AADAT: variants seen among roughly 807,000 people sequenced by gnomAD.
The protein encoded by AADAT is kynurenine/alpha-aminoadipate aminotransferase, mitochondrial.
In AADAT, 25 loss-of-function variants were observed where a neutral mutation model predicts 56.2. The observed-to-expected ratio is 0.44, with a 90% confidence interval of 0.32 to 0.62. AADAT has a LOEUF of 0.62. Ranked by LOEUF, AADAT falls within the 20% of genes least tolerant of loss-of-function variation. The pLI, the probability that AADAT is intolerant of heterozygous loss-of-function variation, is 0.04. For missense variants in AADAT, 387 were observed against 510.5 expected (o/e 0.76, Z 2.33); for synonymous variants, 173 against 164.7 (o/e 1.05, Z -0.39).
At chr4:170,070,050 T>G (rs775532494) in intron 6 of AADAT, among the ~76,000 whole-genome samples, 41 of 152,114 alleles carry the variant, frequency 2.7e-4, no homozygotes, top group Non-Finnish European at 5.6e-4. Flanking sequence ...AGGACATAAA[T>G]GACAGGGTGG....
At chr4:170,084,864 T>C (rs1732479191) in intron 3 of AADAT, among the ~76,000 whole-genome samples, 1 of 152,198 alleles carries the variant, frequency 6.6e-6, no homozygotes, top group African/African-American at 2.4e-5. Flanking sequence ...ACAGATCAAA[T>C]GAAAACCTAA....
intron 1 of AADAT, 90 bp downstream of exon 1, chr4:170,089,534 A>C: frequency 6.8e-7 from 1 of 1,469,210 alleles, no homozygotes. Context: ...GCATGGATGC[A>C]ACCAAGCGGT....
chr4:170,069,997 T>C (rs957316582), intron 6 of AADAT, among the ~76,000 whole-genome samples: 1 of 152,048 alleles, frequency 6.6e-6, no homozygotes, highest in Non-Finnish European at 1.5e-5. Flanking sequence ...TACATGATAG[T>C]GTGAGAATCA....
Position 170,069,139 on chromosome 4 carries a change from G to C in AADAT, c.803+9C>G. ...GATCTAGCGTCAAGTTAGAGACACA[G>C]GGCCTTACCCAGAGGAAATGATTTT... On this transcript the variant is annotated intron_variant, in intron 7 of 12. Coordinates refer to ENST00000337664, the MANE Select transcript of AADAT (RefSeq NM_016228.4). 1.9e-6 allele frequency: 3 copies of C among 1,611,488 alleles called. No individual in the cohort carries two copies. The highest frequency in any genetic ancestry group is 2.5e-6 in the Non-Finnish European group (3 of 1,178,468).
chr4:170,084,331 A>T (rs186095677), intron 3 of AADAT, among the ~76,000 whole-genome samples: 1 of 152,208 alleles, frequency 6.6e-6, no homozygotes, highest in Non-Finnish European at 1.5e-5. Flanking sequence ...AGCAAATCTT[A>T]TATGTGTATT....
At chr4:170,090,900 T>G (rs901297384), upstream of AADAT, among the ~76,000 whole-genome samples, 12 of 152,240 alleles carry the variant, frequency 7.9e-5, no homozygotes, top group African/African-American at 2.9e-4. Context: ...TCCTAGATGA[T>G]TATTGACTCA....
intron 4 of AADAT, among the ~76,000 whole-genome samples, chr4:170,074,009 C>T (rs1731918083): frequency 6.6e-6 from 1 of 152,008 alleles, no homozygotes; most frequent in African/African-American, 2.4e-5. Flanking sequence ...TAAGATTGAC[C>T]ATGTTTCAGA....
intron 4 of AADAT, among the ~76,000 whole-genome samples, chr4:170,074,986 A>G (rs1282750683): frequency 6.6e-6 from 1 of 152,246 alleles, no homozygotes; most frequent in Non-Finnish European, 1.5e-5. Context: ...AAAAAAGAAC[A>G]ATTCAGATCC....
chr4:170,069,054 T>A, intron 7 of AADAT, 94 bp downstream of exon 7: 8 of 1,070,948 alleles, frequency 7.5e-6, no homozygotes, highest in Non-Finnish European at 9.4e-6. Flanking sequence ...CTACAAGCAT[T>A]TTAAGTGAAA....
intron 12 of AADAT, among the ~76,000 whole-genome samples, chr4:170,061,369 A>G (rs1384427002): frequency 6.6e-6 from 1 of 152,260 alleles, no homozygotes; most frequent in African/African-American, 2.4e-5. Context: ...AAGTAAATAA[A>G]GAACATGCCA....
At chr4:170,085,530 G>A (rs760779878) in intron 3 of AADAT, among the ~76,000 whole-genome samples, 1 of 152,168 alleles carries the variant, frequency 6.6e-6, no homozygotes, top group African/African-American at 2.4e-5. Context: ...AGTTATTGAC[G>A]TATTTAGCAA....
intron 5 of AADAT, 90 bp downstream of exon 5, chr4:170,073,046 G>A: frequency 2.5e-6 from 3 of 1,218,950 alleles, no homozygotes; most frequent in Non-Finnish European, 3.5e-6. Context: ...AAAGCAAAAG[G>A]CTAAGAAGAA....
chr4:170,089,673 GA>G lies in AADAT; in HGVS notation c.17del (p.Phe6SerfsTer17). 1 of 1,614,182 alleles carries G rather than the reference GA, an allele frequency of 6.2e-7. No individual in the cohort carries two copies. Among genetic ancestry groups the G allele is most frequent in the Non-Finnish European group, 8.5e-7 (1 of 1,180,038 alleles). On this transcript the variant is annotated frameshift_variant, in exon 1 of 13. Coordinates refer to ENST00000337664, the MANE Select transcript of AADAT (RefSeq NM_016228.4). LOFTEE classifies it high-confidence loss of function. Reference protein sequence around the residue: MNYARFITAASAARNP... With the variant: MNYARXITAASAARNP... ...TTCTGGCTGCGCTCGCTGCCGTGAT[GA>G]ACCGTGCGTAATTCATGTCTTCTGA...
chr4:170,062,025 C>A, intron 11 of AADAT, 32 bp from the exon 12 acceptor site: 4 of 1,472,750 alleles, frequency 2.7e-6, no homozygotes, highest in Non-Finnish European at 3.8e-6. Context: ...AAGTAATGTA[C>A]CACTAAAGAA....
chr4:170,092,161 C>T (rs927478701), upstream of AADAT, among the ~76,000 whole-genome samples: 3 of 152,232 alleles, frequency 2.0e-5, no homozygotes, highest in Non-Finnish European at 2.9e-5. Flanking sequence ...CCTCAGCCAC[C>T]AGCGGTAACC....
At chr4:170,061,414 T>C (rs1394219854) in intron 12 of AADAT, among the ~76,000 whole-genome samples, 1 of 152,184 alleles carries the variant, frequency 6.6e-6, no homozygotes, top group African/African-American at 2.4e-5. Flanking sequence ...TATAAACTCT[T>C]CTCAAGGTTA....
At chr4:170,065,029 T>A (rs1173902910) in intron 10 of AADAT, among the ~76,000 whole-genome samples, 1 of 150,994 alleles carries the variant, frequency 6.6e-6, no homozygotes, top group Non-Finnish European at 1.5e-5. Flanking sequence ...TTACTGTGGG[T>A]GAGGGAAGAA....
chr4:170,066,330 G>A, intron 10 of AADAT, 84 bp downstream of exon 10: 3 of 1,172,598 alleles, frequency 2.6e-6, no homozygotes, highest in Non-Finnish European at 3.8e-6. Flanking sequence ...TTTTCCACCA[G>A]GATTGTTAGT....
At chr4:170,091,109 G>A (rs561844596), upstream of AADAT, among the ~76,000 whole-genome samples, 1 of 152,236 alleles carries the variant, frequency 6.6e-6, no homozygotes, top group Non-Finnish European at 1.5e-5. Context: ...CGCCTCCTCG[G>A]CCTCAGCGCT....
Sources: gnomAD v4.1 joint callset for allele counts (sites outside exome capture counted in the v4.1 genomes callset) on GRCh38, gnomAD v4.1.1 for gene constraint, MANE v1.5 for transcripts, NCBI Gene and HGNC (gene_info 2026-07-23, HGNC 2026-07-21) for gene names.